Variants in LIMS2 observed in about 807,000 individuals in gnomAD.
LIMS2 encodes the protein LIM and senescent cell antigen-like-containing domain protein 2.
LIMS2 carries 30 observed loss-of-function variants against 45.3 expected under a neutral mutation model. That is an observed-to-expected ratio of 0.66 (90% CI 0.50 to 0.90). The LOEUF is 0.90. LIMS2 is among the 40% of genes least tolerant of loss of function. The pLI, the probability that LIMS2 is intolerant of heterozygous loss-of-function variation, is 0.00. For missense variants in LIMS2, 485 were observed against 468.7 expected, an observed-to-expected ratio of 1.03 and a Z score of -0.32; for synonymous variants, 173 against 188.0, an observed-to-expected ratio of 0.92 and a Z score of 0.65.
intron 1 of LIMS2, 77 bp from the exon 2 acceptor site, chr2:127,657,639 G>C: frequency 7.1e-7 from 1 of 1,403,818 alleles, no homozygotes; most frequent in Non-Finnish European, 9.7e-7. Context: ...GCCTGCGCCC[G>C]ACAGACACAC....
chr2:127,664,641 G>C lies in LIMS2; in HGVS notation c.12-7079C>G, dbSNP rs973337826. The C allele has an allele frequency of 1.8e-6, 2 of 1,087,876 alleles. No individual in the cohort carries two copies. Among genetic ancestry groups the C allele is most frequent in the Non-Finnish European group, 2.2e-6 (2 of 896,222 alleles). The allele number at this position is 1,087,876 out of a possible 1,614,324, so 67.4% of individuals were successfully genotyped here. A position where few individuals can be genotyped will look rare whatever the true frequency, so the allele number is the denominator to read the frequency against. On this transcript the variant is annotated intron_variant, in intron 1 of 9. Transcript: ENST00000355119. This position sits in a 1 kb window ranked among gnomAD's most constrained non-coding sequence, Gnocchi z 5.5. ...CTCCTGAAAGCTGAGGCTGGCGGGG[G>C]TTGGGTCCCGCTGGGAGGGGACTGG...
upstream of LIMS2, among the ~76,000 whole-genome samples, chr2:127,676,708 A>C (rs924279817): frequency 6.6e-6 from 1 of 152,146 alleles, no homozygotes; most frequent in African/African-American, 2.4e-5. Context: ...ATTCGGCTTA[A>C]CTGTAATTTG....
At chr2:127,650,194 C>T in intron 4 of LIMS2, 1 of 898,756 alleles carries the variant, frequency 1.1e-6, no homozygotes. Context: ...GCGGTGACAC[C>T]CCGGCCACTG....
Position 127,657,458 on chromosome 2 carries a change from T to A in LIMS2, c.116A>T (p.His39Leu). The change falls in exon 2 of 10, where the codon CAC becomes CTC. Residue 39 changes from histidine to leucine, a missense_variant. Transcript: ENST00000355119. Reference sequence around the variant, plus strand: ...GAAGCACTGGGCACACACGAAGCAGTGCTCATGGTACAGCTCCCCATTGCT... The same window carrying A: ...GAAGCACTGGGCACACACGAAGCAGAGCTCATGGTACAGCTCCCCATTGCT... ...VNSNGELYHE[H>L]CFVCAQCFRP... The A allele has an allele frequency of 1.2e-6, 2 of 1,613,822 alleles. No homozygotes were observed. The highest frequency in any genetic ancestry group is 1.7e-6 in the Non-Finnish European group (2 of 1,179,986).
At chr2:127,673,399 C>T (rs1685359219) in intron 1 of LIMS2, among the ~76,000 whole-genome samples, 1 of 152,182 alleles carries the variant, frequency 6.6e-6, no homozygotes, top group Non-Finnish European at 1.5e-5. Context: ...TGACTGTCAT[C>T]CCTGTGTCAT....
upstream of LIMS2, among the ~76,000 whole-genome samples, chr2:127,679,143 C>T (rs1055583179): frequency 3.3e-5 from 5 of 152,098 alleles, no homozygotes; most frequent in African/African-American, 9.7e-5. The surrounding 1 kb of genome is among the most constrained non-coding windows in gnomAD (Gnocchi z 5.3). Flanking sequence ...GGTCAAGAGC[C>T]GGTCCCTTGG....
In LIMS2 at chr2:127,672,052, A is replaced by T. The variant is rs988958533; in HGVS notation, c.11+2962T>A. Among the ~76,000 whole-genome samples, 3 of 152,214 alleles carry T rather than the reference A, an allele frequency of 2.0e-5. No individual in the cohort carries two copies. The highest frequency in any genetic ancestry group is 2.0e-4 in the Admixed American group (3 of 15,290). On this transcript the variant is annotated intron_variant, in intron 1 of 9. Coordinates refer to ENST00000355119, the MANE Select transcript of LIMS2 (RefSeq NM_001161403.3). This position sits in a 1 kb window ranked among gnomAD's most constrained non-coding sequence, Gnocchi z 4.9. Reference sequence around the variant, plus strand: ...TGTACTAAGCATGGGCTCAGCACACAATCAGGCATACGACAGCCTCACATG... The same window carrying T: ...TGTACTAAGCATGGGCTCAGCACACTATCAGGCATACGACAGCCTCACATG...
upstream of LIMS2, among the ~76,000 whole-genome samples, chr2:127,677,543 G>T (rs80237894): frequency 7.5e-3 from 1,135 of 152,248 alleles, 21 homozygotes; most frequent in African/African-American, 0.025. This position sits in a 1 kb window ranked among gnomAD's most constrained non-coding sequence, Gnocchi z 5.0. Context: ...GAGGTGACAT[G>T]AGCTTGGGGT....
rs1285340876 is a variant in LIMS2, at chr2:127,643,060, C to T, written c.372G>A (p.Arg124=). 1 of 1,580,994 alleles carries T rather than the reference C, an allele frequency of 6.3e-7. No individual in the cohort carries two copies. The highest frequency in any genetic ancestry group is 8.6e-7 in the Non-Finnish European group (1 of 1,164,480). ...FVKNAGRHLC[R]PCHNREKAKG... is the part of the protein sequence containing the mutation. ...TGGCCTTCTCACGGTTGTGGCAAGGCCGGCAGAGATGCCTGCGGGAGGCGG... is the reference window on the plus strand; with the variant it reads ...TGGCCTTCTCACGGTTGTGGCAAGGTCGGCAGAGATGCCTGCGGGAGGCGG... Residue 124 remains arginine, a synonymous_variant, in exon 5 of 10, where the codon CGG becomes CGA. Coordinates refer to ENST00000355119, the MANE Select transcript of LIMS2 (RefSeq NM_001161403.3).
rs117577506 is a variant in LIMS2, at chr2:127,654,907, G to T, written c.172-11C>A. ...CTTCCGGCCTTCAAACTGCAAAGGG[G>T]TCGCAGAGAGAGGACAAGCAAACCA... On this transcript the variant is annotated splice_polypyrimidine_tract_variant and intron_variant, in intron 2 of 9. Coordinates refer to ENST00000355119, the MANE Select transcript of LIMS2 (RefSeq NM_001161403.3). 16 of 1,613,118 alleles carry T rather than the reference G, an allele frequency of 9.9e-6. No individual in the cohort carries two copies. The highest frequency in any genetic ancestry group is 1.4e-5 in the Non-Finnish European group (16 of 1,179,500).
intron 1 of LIMS2, among the ~76,000 whole-genome samples, chr2:127,668,873 G>A (rs1685158235): frequency 6.6e-6 from 1 of 151,844 alleles, no homozygotes; most frequent in Non-Finnish European, 1.5e-5. Context: ...GCTGAGGCAG[G>A]CAGAGCCCAG....
chr2:127,640,176 TGGCTAGGCTGCCGCAGGCCC>T (rs1682263307), intron 8 of LIMS2, 31 bp from the exon 9 acceptor site: 2 of 1,612,602 alleles, frequency 1.2e-6, no homozygotes, highest in East Asian at 2.2e-5. Context: ...TCAGCAGGCC[TGGCTAGGCTGCCGCAGGCCC>T]GGCTGGGCTC....
chr2:127,664,734 G>A lies in LIMS2; in HGVS notation c.12-7172C>T, dbSNP rs1684916338. On this transcript the variant is annotated intron_variant, in intron 1 of 9. Transcript: ENST00000355119. This position sits in a 1 kb window ranked among gnomAD's most constrained non-coding sequence, Gnocchi z 5.5. ...GCGGCAGGACACCCAGGAGGTCTCC[G>A]GCTGCCACCTGCCAGGAGGAAAGCC... 1 of 401,644 alleles carries A rather than the reference G, an allele frequency of 2.5e-6. No homozygotes were observed. Among genetic ancestry groups the A allele is most frequent in the Non-Finnish European group, 3.4e-6 (1 of 296,190 alleles). 24.9% of individuals were successfully genotyped at this position (401,644 alleles called of 1,614,324 possible).
chr2:127,660,234 G>A (rs948439790), intron 1 of LIMS2, among the ~76,000 whole-genome samples: 3 of 152,180 alleles, frequency 2.0e-5, no homozygotes, highest in Non-Finnish European at 4.4e-5. Flanking sequence ...TTAGCACTCT[G>A]TAAAATGGAC....
intron 1 of LIMS2, among the ~76,000 whole-genome samples, chr2:127,661,795 T>C (rs1003447779): frequency 2.6e-5 from 4 of 152,098 alleles, no homozygotes; most frequent in African/African-American, 9.7e-5. Flanking sequence ...TTCCAGGCCT[T>C]TGTATAAGGG....
chr2:127,642,487 G>T lies in LIMS2; in HGVS notation c.510-288C>A, dbSNP rs1682527329. On this transcript the variant is annotated intron_variant, in intron 5 of 9. Transcript: ENST00000355119. This position sits in a 1 kb window ranked among gnomAD's most constrained non-coding sequence, Gnocchi z 5.3. ...CCCCCTCCTCCTCCAAACCAGAGGG[G>T]GTGTCTGGATAGGCACGGAGAGGAC... is the stretch of plus-strand genomic sequence containing the variant. 1 of 400,300 alleles carries T rather than the reference G, an allele frequency of 2.5e-6. No homozygotes were observed. Among genetic ancestry groups the T allele is most frequent in the Admixed American group, 4.1e-5 (1 of 24,262 alleles). The allele number at this position is 400,300 out of a possible 1,614,324, so 24.8% of individuals were successfully genotyped here.
intron 1 of LIMS2, among the ~76,000 whole-genome samples, chr2:127,662,182 T>C (rs542667890): frequency 6.6e-6 from 1 of 152,160 alleles, no homozygotes; most frequent in Non-Finnish European, 1.5e-5. Context: ...AGCACAGGAC[T>C]CTGAACCTCA....
rs919888174 is a variant in LIMS2, at chr2:127,671,050, C to T, written c.11+3964G>A. Among the ~76,000 whole-genome samples, 1 of 152,184 alleles carries T rather than the reference C, an allele frequency of 6.6e-6. No homozygotes were observed. Among genetic ancestry groups the T allele is most frequent in the Non-Finnish European group, 1.5e-5 (1 of 68,022 alleles). On this transcript the variant is annotated intron_variant, in intron 1 of 9. Coordinates refer to ENST00000355119, the MANE Select transcript of LIMS2 (RefSeq NM_001161403.3). This position sits in a 1 kb window ranked among gnomAD's most constrained non-coding sequence, Gnocchi z 4.1. ...AAATATTCACCTTCAGAAATGTACA[C>T]GCTACACCTCAACAGAACAAGCAAG...
upstream of LIMS2, among the ~76,000 whole-genome samples, chr2:127,678,657 C>T (rs1685551677): frequency 6.6e-6 from 1 of 152,060 alleles, no homozygotes; most frequent in Admixed American, 6.6e-5. This position sits in a 1 kb window ranked among gnomAD's most constrained non-coding sequence, Gnocchi z 5.3. Context: ...GCGTGGTCAG[C>T]ACAGGTGTGG....
Sources: allele counts gnomAD v4.1 joint callset (sites outside exome capture counted in the v4.1 genomes callset), GRCh38; gene constraint gnomAD v4.1.1; non-coding constraint Gnocchi (gnomAD v3.1); transcripts MANE v1.5; gene names NCBI Gene and HGNC (gene_info 2026-07-23, HGNC 2026-07-21).